Variants in GAREM1 observed in about 807,000 individuals in gnomAD.
GAREM1 encodes the protein GRB2-associated and regulator of MAPK protein 1.
In GAREM1, 26 loss-of-function variants were observed where a neutral mutation model predicts 71.3. The observed-to-expected ratio is 0.36, with a 90% confidence interval of 0.27 to 0.51. The LOEUF (loss-of-function observed/expected upper bound fraction) is 0.51. Ranked by LOEUF, GAREM1 falls within the 20% of genes least tolerant of loss-of-function variation. The pLI is 0.95. For missense variants in GAREM1, 1,026 were observed against 1,103.1 expected, an observed-to-expected ratio of 0.93 and a Z score of 0.99; for synonymous variants, 440 against 433.2, an observed-to-expected ratio of 1.02 and a Z score of -0.20.
intron 2 of GAREM1, among the ~76,000 whole-genome samples, chr18:32,344,583 G>A (rs1200297128): frequency 6.6e-6 from 1 of 152,006 alleles, no homozygotes; most frequent in African/African-American, 2.4e-5. Flanking sequence ...ATCTAGAAAT[G>A]CCTAATTACC....
chr18:32,297,342 C>T (rs2047152205), intron 3 of GAREM1, among the ~76,000 whole-genome samples: 1 of 152,180 alleles, frequency 6.6e-6, no homozygotes, highest in South Asian at 2.1e-4. Context: ...GGTTCCTCAC[C>T]TATAAAATGG....
At chr18:32,438,077 G>A (rs1218381686) in intron 1 of GAREM1, among the ~76,000 whole-genome samples, 1 of 152,126 alleles carries the variant, frequency 6.6e-6, no homozygotes, top group African/African-American at 2.4e-5. Flanking sequence ...AAAGTATGAG[G>A]AACTAAACAT....
chr18:32,424,166 T>C (rs1599037837), intron 1 of GAREM1, among the ~76,000 whole-genome samples: 1 of 150,480 alleles, frequency 6.6e-6, no homozygotes, highest in Admixed American at 6.6e-5. Context: ...AAAAAGCAAG[T>C]GTCTCACAGG....
intron 3 of GAREM1, among the ~76,000 whole-genome samples, chr18:32,307,344 C>A (rs1452469534): frequency 1.3e-5 from 2 of 152,102 alleles, no homozygotes; most frequent in Non-Finnish European, 2.9e-5. Flanking sequence ...AGGGTGAAAT[C>A]TTCTAAGAAG....
At position 32,290,711 on chromosome 18, in the gene GAREM1, T is replaced by C. The variant is rs1163508986; in HGVS notation, c.394-2508A>G. Among the ~76,000 whole-genome samples the C allele has an allele frequency of 2.0e-5, 3 of 150,084 alleles. No homozygotes were observed. In the East Asian group the frequency reaches 5.8e-4, roughly 29 times the overall value. On this transcript the variant is annotated intron_variant, in intron 3 of 5. Coordinates refer to ENST00000269209, the MANE Select transcript of GAREM1 (RefSeq NM_001242409.2). ...ATCAATTAACTAACAAGATGTACAATGGCTTTCAAACCTATGAAAAGATGT... is the reference window on the plus strand; with the variant it reads ...ATCAATTAACTAACAAGATGTACAACGGCTTTCAAACCTATGAAAAGATGT...
intron 2 of GAREM1, among the ~76,000 whole-genome samples, chr18:32,316,783 A>G (rs913721176): frequency 2.0e-5 from 3 of 152,206 alleles, no homozygotes; most frequent in African/African-American, 7.2e-5. Context: ...AAATGTCTTT[A>G]AAATAGAAAT....
chr18:32,335,299 C>T (rs1331968868), intron 2 of GAREM1, among the ~76,000 whole-genome samples: 2 of 152,142 alleles, frequency 1.3e-5, no homozygotes, highest in Non-Finnish European at 2.9e-5. Context: ...TGTAATTCAC[C>T]CTCCTCTTTT....
chr18:32,359,512 T>C (rs753239631), intron 2 of GAREM1, among the ~76,000 whole-genome samples: 4 of 152,226 alleles, frequency 2.6e-5, no homozygotes, highest in Non-Finnish European at 4.4e-5. Flanking sequence ...TCCTGTGCAA[T>C]GCCCCCACTC....
At chr18:32,442,099 C>T (rs2048744151) in intron 1 of GAREM1, among the ~76,000 whole-genome samples, 2 of 152,060 alleles carry the variant, frequency 1.3e-5, no homozygotes, top group South Asian at 2.1e-4. Flanking sequence ...ATTGATCTAT[C>T]ATTTTAAAAT....
At position 32,432,230 on chromosome 18, in the gene GAREM1, T is replaced by C. The variant is rs719075; in HGVS notation, c.121+38078A>G. On this transcript the variant is annotated intron_variant, in intron 1 of 5. Coordinates refer to ENST00000269209, the MANE Select transcript of GAREM1 (RefSeq NM_001242409.2). ...CAAAGAAAAATTCTAACAATGTCTTTTGGGATTTTTAGTGTCTTATGGGAT... is the reference window on the plus strand; with the variant it reads ...CAAAGAAAAATTCTAACAATGTCTTCTGGGATTTTTAGTGTCTTATGGGAT... Among the ~76,000 whole-genome samples, 17 of 152,266 alleles carry C rather than the reference T, an allele frequency of 1.1e-4. 1 individual carries two copies. In the South Asian group the frequency reaches 2.7e-3, roughly 24 times the overall value.
Position 32,364,010 on chromosome 18 carries a change from A to T in GAREM1, c.262+28885T>A, listed in dbSNP as rs1327402098. On this transcript the variant is annotated intron_variant, in intron 2 of 5. Transcript: ENST00000269209. ...TACATATATACATATATATATATAT[A>T]TATATATATATATATATGTTTTTTT... Among the ~76,000 whole-genome samples, 32 of 47,960 alleles carry T rather than the reference A, an allele frequency of 6.7e-4. 2 individuals carry two copies. Among genetic ancestry groups the T allele is most frequent in the African/African-American group, 3.2e-3 (28 of 8,690 alleles). The allele number at this position is 47,960 out of a possible 152,430, so 31.5% of individuals were successfully genotyped here. A position where few individuals can be genotyped will look rare whatever the true frequency, so the allele number is the denominator to read the frequency against.
intron 5 of GAREM1, among the ~76,000 whole-genome samples, 183 bp from the exon 6 acceptor site, chr18:32,268,951 G>A (rs962036271): frequency 6.6e-6 from 1 of 151,960 alleles, no homozygotes; most frequent in African/African-American, 2.4e-5. Context: ...ATTGGTAATT[G>A]TAGATATGTA....
Position 32,430,994 on chromosome 18 carries a change from C to T in GAREM1, c.122-37959G>A, listed in dbSNP as rs2048619185. On this transcript the variant is annotated intron_variant, in intron 1 of 5. Coordinates refer to ENST00000269209, the MANE Select transcript of GAREM1 (RefSeq NM_001242409.2). ...GAGAAAGGAGTTCAACAGAGTGATCCTATAAATTTGAGTATGAATCCCTTT... is the reference window on the plus strand; with the variant it reads ...GAGAAAGGAGTTCAACAGAGTGATCTTATAAATTTGAGTATGAATCCCTTT... Among the ~76,000 whole-genome samples the T allele has an allele frequency of 1.3e-5, 2 of 152,034 alleles. 1 individual carries two copies. Among genetic ancestry groups the T allele is most frequent in the South Asian group, 4.1e-4 (2 of 4,820 alleles).
chr18:32,319,615 T>C (rs770461991), intron 2 of GAREM1, among the ~76,000 whole-genome samples: 3 of 152,198 alleles, frequency 2.0e-5, no homozygotes, highest in African/African-American at 2.4e-5. Context: ...CTAACGTATG[T>C]ACATGCCAAA....
intron 2 of GAREM1, among the ~76,000 whole-genome samples, chr18:32,338,150 T>G (rs1181194653): frequency 6.6e-6 from 1 of 152,226 alleles, no homozygotes; most frequent in Admixed American, 6.5e-5. Flanking sequence ...TAAATTCCTC[T>G]AATTTCCAAG....
Position 32,470,484 on chromosome 18 carries a change from C to A in GAREM1, c.-56G>T. ...CCGCCGCCGCCACCGGCACCACCCGCGCCTCGGCGGCCGCCGCTGCTCGCG... is the reference window on the plus strand; with the variant it reads ...CCGCCGCCGCCACCGGCACCACCCGAGCCTCGGCGGCCGCCGCTGCTCGCG... On this transcript the variant is annotated 5_prime_UTR_variant, in exon 1 of 6. Transcript: ENST00000269209. This position sits in a 1 kb window ranked among gnomAD's most constrained non-coding sequence, Gnocchi z 4.4. 8.4e-7 allele frequency: 1 copy of A among 1,196,570 alleles called. No individual in the cohort carries two copies. The allele number at this position is 1,196,570 out of a possible 1,614,324, so 74.1% of individuals were successfully genotyped here. A position where few individuals can be genotyped will look rare whatever the true frequency, so the allele number is the denominator to read the frequency against.
intron 3 of GAREM1, among the ~76,000 whole-genome samples, chr18:32,292,945 T>C (rs1413871293): frequency 1.3e-5 from 2 of 152,158 alleles, no homozygotes; most frequent in Non-Finnish European, 2.9e-5. Context: ...ATTTGTATTG[T>C]AAGATTGAAT....
At chr18:32,311,693 T>C (rs559875659) in intron 2 of GAREM1, among the ~76,000 whole-genome samples, 8 of 152,324 alleles carry the variant, frequency 5.3e-5, no homozygotes, top group Non-Finnish European at 1.0e-4. Context: ...GTGGGTGGGC[T>C]GCCTGCCTGG....
At chr18:32,363,474 TA>T (rs1354622508) in intron 2 of GAREM1, among the ~76,000 whole-genome samples, 1 of 152,194 alleles carries the variant, frequency 6.6e-6, no homozygotes, top group African/African-American at 2.4e-5. Context: ...AAAACTAAAA[TA>T]GATACAATTT....
Sources: gnomAD v4.1 joint callset for allele counts (sites outside exome capture counted in the v4.1 genomes callset) on GRCh38, gnomAD v4.1.1 for gene constraint, Gnocchi (gnomAD v3.1) non-coding constraint, MANE v1.5 for transcripts, NCBI Gene and HGNC (gene_info 2026-07-23, HGNC 2026-07-21) for gene names.